The following HS3ST4 variants were observed in gnomAD, a reference collection of about 807,000 sequenced individuals.
HS3ST4 encodes heparan sulfate-glucosamine 3-sulfotransferase 4.
HS3ST4 carries 17 observed loss-of-function variants against 29.2 expected under a neutral mutation model. The ratio of observed to expected loss-of-function variants is 0.58; its 90% CI spans 0.40 to 0.87. The LOEUF (loss-of-function observed/expected upper bound fraction) is 0.87. Among genes scored for constraint, HS3ST4 ranks in the 40% least tolerant of loss-of-function variants. The pLI, the probability that HS3ST4 is intolerant of heterozygous loss-of-function variation, is 0.00. For synonymous variants in HS3ST4, 314 were observed against 285.7 expected, an observed-to-expected ratio of 1.10 and a Z score of -1.00; for missense variants, 627 against 634.5, an observed-to-expected ratio of 0.99 and a Z score of 0.13.
At chr16:26,132,149 C>T (rs111684952) in intron 1 of HS3ST4, among the ~76,000 whole-genome samples, 7 of 152,060 alleles carry the variant, frequency 4.6e-5, no homozygotes, top group African/African-American at 1.7e-4. Context: ...GGACTGCATC[C>T]GTTTTGTTTA....
intron 1 of HS3ST4, among the ~76,000 whole-genome samples, chr16:25,904,561 C>T (rs995934309): frequency 1.1e-4 from 17 of 152,160 alleles, no homozygotes; most frequent in African/African-American, 4.1e-4. Flanking sequence ...CTTGTGGGGA[C>T]AGGTTGCTTG....
At chr16:25,749,914 T>C (rs530211911) in intron 1 of HS3ST4, among the ~76,000 whole-genome samples, 1 of 152,340 alleles carries the variant, frequency 6.6e-6, no homozygotes, top group East Asian at 1.9e-4. Flanking sequence ...ACAGTAGGTG[T>C]TTATAACACA....
chr16:25,828,761 A>G (rs1967263222), intron 1 of HS3ST4, among the ~76,000 whole-genome samples: 1 of 152,118 alleles, frequency 6.6e-6, no homozygotes, highest in African/African-American at 2.4e-5. Context: ...AACATGTGCT[A>G]TTTGCATTTC....
At chr16:25,983,346 A>G (rs1277744267) in intron 1 of HS3ST4, among the ~76,000 whole-genome samples, 1 of 152,206 alleles carries the variant, frequency 6.6e-6, no homozygotes, top group Non-Finnish European at 1.5e-5. Flanking sequence ...TAAAATGAAA[A>G]TAATAACACC....
intron 1 of HS3ST4, among the ~76,000 whole-genome samples, chr16:26,096,762 A>G: frequency 6.6e-6 from 1 of 152,122 alleles, no homozygotes; most frequent in Admixed American, 6.5e-5. Context: ...CAGGCAAGAG[A>G]AATAAATAAA....
intron 1 of HS3ST4, among the ~76,000 whole-genome samples, chr16:25,950,191 C>G (rs1193352146): frequency 6.6e-6 from 1 of 152,158 alleles, no homozygotes; most frequent in Non-Finnish European, 1.5e-5. Context: ...CAGACTCAAT[C>G]AATGCCCAGT....
chr16:26,076,182 C>A (rs1248256597), intron 1 of HS3ST4, among the ~76,000 whole-genome samples: 1 of 152,158 alleles, frequency 6.6e-6, no homozygotes. Flanking sequence ...GATATACTAA[C>A]AGCAGGAATA....
At chr16:25,887,949 G>A (rs3935612) in intron 1 of HS3ST4, among the ~76,000 whole-genome samples, 48,793 of 151,760 alleles carry the variant, frequency 0.32, 8,676 homozygotes, top group East Asian at 0.7. Flanking sequence ...TGCCTGCCTC[G>A]GCCTCCCAAA....
intron 1 of HS3ST4, among the ~76,000 whole-genome samples, chr16:26,009,066 T>C (rs748382207): frequency 3.3e-5 from 5 of 152,226 alleles, no homozygotes; most frequent in Non-Finnish European, 7.3e-5. Context: ...GTTATTGTCA[T>C]GTGGTCTTAG....
At chr16:26,061,408 A>G (rs1450424463) in intron 1 of HS3ST4, among the ~76,000 whole-genome samples, 2 of 152,196 alleles carry the variant, frequency 1.3e-5, no homozygotes, top group Non-Finnish European at 2.9e-5. Flanking sequence ...AGGATTACCA[A>G]CTTCCAAGTC....
chr16:25,857,944 C>CTT (rs1177748269), intron 1 of HS3ST4, among the ~76,000 whole-genome samples: 1 of 51,418 alleles, frequency 1.9e-5, no homozygotes, highest in Admixed American at 2.0e-4. Context: ...TTCTTTCTTT[C>CTT]TTTCTTTCTT....
intron 1 of HS3ST4, among the ~76,000 whole-genome samples, chr16:26,070,039 C>A (rs1379767686): frequency 6.6e-6 from 1 of 152,166 alleles, no homozygotes; most frequent in Non-Finnish European, 1.5e-5. Flanking sequence ...GTCTTTACAG[C>A]AGCATGATTT....
chr16:25,842,865 C>G (rs1365414622), intron 1 of HS3ST4, among the ~76,000 whole-genome samples: 7 of 152,098 alleles, frequency 4.6e-5, no homozygotes, highest in African/African-American at 7.2e-5. Flanking sequence ...TCTCAAAAAC[C>G]TTACTTTTTG....
At chr16:26,011,787 A>G (rs117160484) in intron 1 of HS3ST4, among the ~76,000 whole-genome samples, 9,937 of 151,894 alleles carry the variant, frequency 0.065, 425 homozygotes, top group Non-Finnish European at 0.1. Context: ...TTGTGGTTAT[A>G]ACAGCAAGAG....
At chr16:25,994,609 A>G (rs1367321630) in intron 1 of HS3ST4, among the ~76,000 whole-genome samples, 1 of 152,184 alleles carries the variant, frequency 6.6e-6, no homozygotes, top group African/African-American at 2.4e-5. Context: ...TTTGTTTTTA[A>G]TGCTGAGTCT....
chr16:25,947,267 T>C (rs552843475), intron 1 of HS3ST4, among the ~76,000 whole-genome samples: 1 of 152,286 alleles, frequency 6.6e-6, no homozygotes, highest in African/African-American at 2.4e-5. Flanking sequence ...ATGGCTAATG[T>C]TAACTTTAAA....
intron 1 of HS3ST4, among the ~76,000 whole-genome samples, chr16:26,111,503 A>G (rs1899128785): frequency 1.3e-5 from 2 of 152,156 alleles, no homozygotes; most frequent in Admixed American, 1.3e-4. Flanking sequence ...TTTAGAACAT[A>G]AGCATATTGA....
intron 1 of HS3ST4, among the ~76,000 whole-genome samples, chr16:25,882,648 G>A (rs907916257): frequency 2.6e-5 from 4 of 151,980 alleles, no homozygotes; most frequent in East Asian, 1.9e-4. Context: ...TAGATTTTTC[G>A]AGCCACTGTT....
intron 1 of HS3ST4, among the ~76,000 whole-genome samples, chr16:26,005,622 A>G (rs1169789138): frequency 6.6e-6 from 1 of 152,134 alleles, no homozygotes; most frequent in Admixed American, 6.5e-5. Context: ...AGAATTAGCC[A>G]GGTCTGGAAC....
Sources: gnomAD v4.1 joint callset for allele counts (sites outside exome capture counted in the v4.1 genomes callset) on GRCh38, gnomAD v4.1.1 for gene constraint, MANE v1.5 for transcripts, NCBI Gene and HGNC (gene_info 2026-07-23, HGNC 2026-07-21) for gene names.